PRRC2C: variants seen among roughly 807,000 people sequenced by gnomAD.
PRRC2C encodes the protein proline rich coiled-coil 2C, also known as protein PRRC2C.
PRRC2C carries 72 observed loss-of-function variants against 317.2 expected under a neutral mutation model. The observed-to-expected ratio is 0.23, with a 90% confidence interval of 0.19 to 0.28. PRRC2C has a LOEUF of 0.28. PRRC2C is among the 10% of genes least tolerant of loss of function. The pLI is 1.00. For synonymous variants in PRRC2C, 1,296 were observed against 1,205.9 expected (o/e 1.07, Z -1.55); for missense variants, 3,074 against 3,459.7 (o/e 0.89, Z 2.80).
chr1:171,570,238 G>A (rs1167931194), intron 23 of PRRC2C, among the ~76,000 whole-genome samples: 1 of 152,152 alleles, frequency 6.6e-6, no homozygotes. Context: ...GACCTCTTGA[G>A]ATGTCCTTTT....
intron 20 of PRRC2C, among the ~76,000 whole-genome samples, chr1:171,564,690 A>C (rs2102701122): frequency 6.6e-6 from 1 of 152,340 alleles, no homozygotes; most frequent in Admixed American, 6.5e-5. Flanking sequence ...TATACAGCTT[A>C]TTACTACACT....
rs1261166814 is a variant in PRRC2C, at chr1:171,591,839, A to G, written c.8689A>G (p.Lys2897Glu). Residue 2897 changes from lysine to glutamate, a missense_variant, in exon 35 of 35, where the codon AAA becomes GAA. Transcript: ENST00000647382. The part of the protein sequence containing the change: ...KPQAIKTEET[K>E]S ...TCAGGCGATCAAAACCGAAGAAACA[A>G]AATCTTAAAGGCTATGGTTTATTGC... is the stretch of plus-strand genomic sequence containing the variant. 7.2e-7 allele frequency: 1 copy of G among 1,397,108 alleles called. No individual in the cohort carries two copies. The highest frequency in any genetic ancestry group is 3.8e-5 in the East Asian group (1 of 26,590). 86.5% of individuals were successfully genotyped at this position (1,397,108 alleles called of 1,614,324 possible). A position where few individuals can be genotyped will look rare whatever the true frequency, so the allele number is the denominator to read the frequency against.
intron 19 of PRRC2C, among the ~76,000 whole-genome samples, chr1:171,560,247 G>A (rs1267007259): frequency 6.6e-6 from 1 of 152,198 alleles, no homozygotes; most frequent in Admixed American, 6.5e-5. Flanking sequence ...GGATGACTTG[G>A]AGGAATTCAA....
chr1:171,525,078 G>T, intron 10 of PRRC2C, 113 bp downstream of exon 10: 1 of 877,520 alleles, frequency 1.1e-6, no homozygotes. Context: ...CTTAGAAAAA[G>T]GAAACTGTGT....
chr1:171,492,174 A>C (rs1056490410), intron 1 of PRRC2C, among the ~76,000 whole-genome samples: 4 of 152,226 alleles, frequency 2.6e-5, no homozygotes, highest in African/African-American at 9.6e-5. Flanking sequence ...AGGATACAGA[A>C]TGTAGAAAGA....
At chr1:171,537,591 A>G (rs771256116) in intron 15 of PRRC2C, 118 bp downstream of exon 15, 6 of 951,378 alleles carry the variant, frequency 6.3e-6, no homozygotes, top group Admixed American at 5.3e-5. Flanking sequence ...GTTTCCTTCT[A>G]TTTAATTTAG....
intron 7 of PRRC2C, 119 bp from the exon 8 acceptor site, chr1:171,523,102 T>C: frequency 4.6e-6 from 4 of 871,620 alleles, no homozygotes; most frequent in East Asian, 2.7e-5. Flanking sequence ...GCAGAACATA[T>C]TAGGTATCTT....
chr1:171,515,154 A>G (rs1672113449), intron 4 of PRRC2C, among the ~76,000 whole-genome samples: 1 of 152,242 alleles, frequency 6.6e-6, no homozygotes, highest in Non-Finnish European at 1.5e-5. Context: ...AACTGTCTAT[A>G]AAACATTCTA....
intron 9 of PRRC2C, among the ~76,000 whole-genome samples, chr1:171,524,393 T>C (rs7538827): frequency 0.8 from 121,452 of 151,594 alleles, 48,776 homozygotes; most frequent in Middle Eastern, 0.9. Context: ...GTGACAAACA[T>C]CGTTTTATGA....
chr1:171,573,747 C>T (rs235507), intron 24 of PRRC2C, among the ~76,000 whole-genome samples: 23,062 of 136,662 alleles, frequency 0.17, 1,884 homozygotes, highest in Middle Eastern at 0.35. Context: ...GGCGCTATCT[C>T]GGCTCACTGC....
chr1:171,545,411 C>A lies in PRRC2C; in HGVS notation c.4764-68C>A, dbSNP rs142848926. 38 of 1,330,610 alleles carry A rather than the reference C, an allele frequency of 2.9e-5. No individual in the cohort carries two copies. The Admixed American group carries it at 3.1e-4, about 11-fold the overall frequency. The allele number at this position is 1,330,610 out of a possible 1,614,324, so 82.4% of individuals were successfully genotyped here. ...ATCTTAGAATGAACTTTAGAAACTG[C>A]CAATAAGAGCATTTTTCTTTTGTTT... On this transcript the variant is annotated intron_variant, in intron 16 of 34. Coordinates refer to ENST00000647382, the MANE Select transcript of PRRC2C (RefSeq NM_001387844.1).
chr1:171,494,752 C>T (rs1350835920), intron 1 of PRRC2C, among the ~76,000 whole-genome samples: 1 of 152,102 alleles, frequency 6.6e-6, no homozygotes, highest in East Asian at 1.9e-4. Context: ...GATTTGGCCT[C>T]CTCTTCACTG....
At position 171,557,491 on chromosome 1, in the gene PRRC2C, T is replaced by C; in HGVS notation, c.5379T>C (p.Ala1793=). The C allele has an allele frequency of 6.4e-7, 1 of 1,551,388 alleles. No homozygotes were observed. Among genetic ancestry groups the C allele is most frequent in the Non-Finnish European group, 8.7e-7 (1 of 1,146,870 alleles). ...TSAPVPASTL[A]PVLASTSAPV... ...CTCCGGTTCCAGCCTCAACTTTAGC[T>C]CCAGTTCTGGCCTCAACCTCAGCTC... The change falls in exon 19 of 35, where the codon GCT becomes GCC. Residue 1793 remains alanine (A), a synonymous_variant. Transcript: ENST00000647382.
chr1:171,537,501 G>A (rs1390319702), intron 15 of PRRC2C, 28 bp downstream of exon 15: 37 of 1,524,668 alleles, frequency 2.4e-5, no homozygotes, highest in Non-Finnish European at 2.9e-5. Flanking sequence ...TTTAATAGAT[G>A]ATACAGAATA....
chr1:171,569,986 A>G (rs962909380), intron 23 of PRRC2C, among the ~76,000 whole-genome samples: 1 of 152,114 alleles, frequency 6.6e-6, no homozygotes, highest in African/African-American at 2.4e-5. Flanking sequence ...CGACTTATAT[A>G]CTGGTAACTA....
At position 171,541,348 on chromosome 1, in the gene PRRC2C, G is replaced by A. The variant is rs1677907861; in HGVS notation, c.3882G>A (p.Arg1294=). Residue 1294 remains arginine (R), a synonymous_variant, in exon 16 of 35, where the codon CGG becomes CGA. Transcript: ENST00000647382. The surrounding 1 kb of genome is among the most constrained non-coding windows in gnomAD (Gnocchi z 4.1). ...SKGKLPKREE[R]PENKKPVKPH... is the part of the protein sequence containing the mutation. ...GCAAACTTCCCAAAAGAGAGGAACGGCCTGAAAACAAAAAACCTGTAAAGC... is the reference window on the plus strand; with the variant it reads ...GCAAACTTCCCAAAAGAGAGGAACGACCTGAAAACAAAAAACCTGTAAAGC... 1 of 1,611,988 alleles carries A rather than the reference G, an allele frequency of 6.2e-7. No homozygotes were observed. The highest frequency in any genetic ancestry group is 1.7e-4 in the Middle Eastern group (1 of 6,046).
chr1:171,549,242 G>GC lies in PRRC2C; in HGVS notation c.4973-841dup, dbSNP rs146490776. Among the ~76,000 whole-genome samples, 199 of 152,036 alleles carry GC rather than the reference G, an allele frequency of 1.3e-3. 2 individuals carry two copies. The East Asian group carries it at 0.034, about 26-fold the overall frequency. On this transcript the variant is annotated intron_variant, in intron 17 of 34. Coordinates refer to ENST00000647382, the MANE Select transcript of PRRC2C (RefSeq NM_001387844.1). ...AGTAGAGACAAGGTCTCCCCATGTTGCCCAGGCTGGTGTGAAACTGTTGGC... is the reference window on the plus strand; with the variant it reads ...AGTAGAGACAAGGTCTCCCCATGTTGCCCCAGGCTGGTGTGAAACTGTTGGC...
chr1:171,564,998 T>G (rs1683380426), intron 20 of PRRC2C, among the ~76,000 whole-genome samples: 1 of 152,216 alleles, frequency 6.6e-6, no homozygotes, highest in African/African-American at 2.4e-5. Flanking sequence ...AAAAATGACA[T>G]GGAGTAGTGA....
At chr1:171,524,693 C>A in intron 9 of PRRC2C, 128 bp from the exon 10 acceptor site, 1 of 901,550 alleles carries the variant, frequency 1.1e-6, no homozygotes, top group Non-Finnish European at 1.6e-6. Context: ...GTCACACACC[C>A]ATCTCATTCC....
Sources: allele counts gnomAD v4.1 joint callset (sites outside exome capture counted in the v4.1 genomes callset), GRCh38; gene constraint gnomAD v4.1.1; non-coding constraint Gnocchi (gnomAD v3.1); transcripts MANE v1.5; gene names NCBI Gene and HGNC (gene_info 2026-07-23, HGNC 2026-07-21).